NOP14: variants seen among roughly 807,000 people sequenced by gnomAD.
NOP14 encodes NOP14 nucleolar protein, also known as nucleolar protein 14.
A neutral mutation model predicts 101.6 loss-of-function variants in NOP14; 57 were observed. The ratio of observed to expected loss-of-function variants is 0.56; its 90% CI spans 0.45 to 0.70. The LOEUF (loss-of-function observed/expected upper bound fraction) is 0.70. Ranked by LOEUF, NOP14 falls within the 30% of genes least tolerant of loss-of-function variation. NOP14 has a pLI of 0.00. For missense variants in NOP14, 1,134 were observed against 1,075.5 expected (o/e 1.05, Z -0.76); for synonymous variants, 428 against 424.0 (o/e 1.01, Z -0.12).
chr4:2,948,374 C>T lies in NOP14; in HGVS notation c.1317G>A (p.Leu439=), dbSNP rs1227789819. 1 of 1,612,800 alleles carries T rather than the reference C, an allele frequency of 6.2e-7. No homozygotes were observed. The highest frequency in any genetic ancestry group is 1.3e-5 in the African/African-American group (1 of 74,830). The change falls in exon 9 of 18, where the codon TTG becomes TTA. Residue 439 remains leucine, a synonymous_variant. Transcript: ENST00000416614. ...PESYEELRSL[L]LGRSMEEQLL... is the part of the protein sequence containing the mutation. ...GCTGCTCTTCCATCGATCTTCCTAACAACAGAGATCTCAGTTCCTCATAGG... is the reference window on the plus strand; with the variant it reads ...GCTGCTCTTCCATCGATCTTCCTAATAACAGAGATCTCAGTTCCTCATAGG...
At chr4:2,954,690 T>C in intron 3 of NOP14, 127 bp from the exon 4 acceptor site, 1 of 1,168,646 alleles carries the variant, frequency 8.6e-7, no homozygotes, top group African/African-American at 1.5e-5. Context: ...AAAAAAATGC[T>C]CACACGCAAC....
chr4:2,948,149 C>T (rs1714782652), intron 9 of NOP14, 129 bp downstream of exon 9: 4 of 1,185,814 alleles, frequency 3.4e-6, no homozygotes, highest in Non-Finnish European at 4.6e-6. Context: ...TCATAGGTAA[C>T]CATGTGACGG....
chr4:2,948,506 G>A (rs1714811266), intron 8 of NOP14, 98 bp from the exon 9 acceptor site: 14 of 913,970 alleles, frequency 1.5e-5, no homozygotes, highest in Non-Finnish European at 2.1e-5. Context: ...CCAGGCTGGA[G>A]TGCAGTGGTG....
At position 2,960,073 on chromosome 4, in the gene NOP14, A is replaced by C. The variant is rs570157668; in HGVS notation, c.196-2333T>G. 4.4e-4 allele frequency among the ~76,000 whole-genome samples: 67 copies of C among 152,074 alleles called. 1 individual carries two copies. Among genetic ancestry groups the C allele is most frequent in the African/African-American group, 1.4e-3 (57 of 41,492 alleles). ...CAACCTCCACCTGCCGGGTTCAAGC[A>C]ATTCTCCTGCCTCAGCCTCCCCAGT... On this transcript the variant is annotated intron_variant, in intron 1 of 17. Coordinates refer to ENST00000416614, the MANE Select transcript of NOP14 (RefSeq NM_001291978.2).
intron 13 of NOP14, among the ~76,000 whole-genome samples, chr4:2,942,798 G>C (rs367681735): frequency 9.9e-5 from 15 of 152,196 alleles, no homozygotes; most frequent in South Asian, 8.3e-4. Context: ...TGACGGTGGA[G>C]GGCGGGAGAG....
Position 2,938,630 on chromosome 4 carries a change from C to T in NOP14, c.*201G>A, listed in dbSNP as rs898234196. Reference sequence around the variant, plus strand: ...AAGCAGTCCTCCTGCTTCAGCCTCCCGAGTAGTTGGGACTACAGGTGCGTG... The same window carrying T: ...AAGCAGTCCTCCTGCTTCAGCCTCCTGAGTAGTTGGGACTACAGGTGCGTG... On this transcript the variant is annotated 3_prime_UTR_variant, in exon 18 of 18. Coordinates refer to ENST00000416614, the MANE Select transcript of NOP14 (RefSeq NM_001291978.2). The T allele has an allele frequency of 2.8e-5, 16 of 570,018 alleles. No homozygotes were observed. The highest frequency in any genetic ancestry group is 6.3e-5 in the Admixed American group (2 of 31,920). The allele number at this position is 570,018 out of a possible 1,614,324, so 35.3% of individuals were successfully genotyped here.
At chr4:2,940,825 C>T (rs1307922643) in intron 15 of NOP14, 1 of 152,798 alleles carries the variant, frequency 6.5e-6, no homozygotes, top group Non-Finnish European at 1.5e-5. Context: ...GTGCAGAGAA[C>T]TACTCCAGAG....
intron 2 of NOP14, 37 bp from the exon 3 acceptor site, chr4:2,956,848 C>T (rs1337608458): frequency 6.5e-7 from 1 of 1,539,682 alleles, no homozygotes. Flanking sequence ...AAAATTACCA[C>T]TTCCATTTCA....
intron 4 of NOP14, 66 bp from the exon 5 acceptor site, chr4:2,953,711 T>G: frequency 6.3e-7 from 1 of 1,584,930 alleles, no homozygotes; most frequent in Non-Finnish European, 8.6e-7. Flanking sequence ...AGAGGCCCAA[T>G]GTCAGTGCCA....
chr4:2,957,836 G>A (rs1036870125), intron 1 of NOP14, 96 bp from the exon 2 acceptor site: 1 of 1,238,136 alleles, frequency 8.1e-7, no homozygotes, highest in Non-Finnish European at 1.1e-6. Context: ...TCAGGGCTAT[G>A]CACAGTGATG....
At chr4:2,958,453 G>A (rs1399680800) in intron 1 of NOP14, among the ~76,000 whole-genome samples, 1 of 152,140 alleles carries the variant, frequency 6.6e-6, no homozygotes, top group South Asian at 2.1e-4. Context: ...TTCTTGCTGC[G>A]GAACTTCTTC....
chr4:2,941,540 T>C (rs1235905267), intron 15 of NOP14, 42 bp downstream of exon 15: 8 of 1,597,804 alleles, frequency 5.0e-6, no homozygotes, highest in Non-Finnish European at 6.8e-6. Flanking sequence ...CAGGGACATG[T>C]CTGAGCCCAG....
chr4:2,963,027 TCAA>T (rs1716226243), intron 1 of NOP14, 95 bp downstream of exon 1: 1 of 1,267,912 alleles, frequency 7.9e-7, no homozygotes, highest in Non-Finnish European at 1.1e-6. Context: ...CCTGTGCCGC[TCAA>T]CGAGGAAACC....
At chr4:2,951,387 G>T in intron 6 of NOP14, 142 bp from the exon 7 acceptor site, 2 of 648,102 alleles carry the variant, frequency 3.1e-6, no homozygotes, top group Non-Finnish European at 5.3e-6. Flanking sequence ...CTTTCTGCCT[G>T]CAGTTTTCAA....
At chr4:2,944,653 C>T (rs1002100735) in intron 12 of NOP14, among the ~76,000 whole-genome samples, 2 of 152,256 alleles carry the variant, frequency 1.3e-5, no homozygotes, top group East Asian at 1.9e-4. Flanking sequence ...GTGATCCGCC[C>T]GCCTCAGCCT....
At chr4:2,942,410 C>T (rs1343741126) in intron 13 of NOP14, 59 bp from the exon 14 acceptor site, 3 of 1,539,538 alleles carry the variant, frequency 1.9e-6, no homozygotes, top group Non-Finnish European at 2.7e-6. Flanking sequence ...TCCCAGCAGG[C>T]TCTGCGGCAC....
Position 2,952,275 on chromosome 4 carries a change from C to G in NOP14, c.870G>C (p.Glu290Asp). 6.2e-7 allele frequency: 1 copy of G among 1,613,308 alleles called. No homozygotes were observed. The highest frequency in any genetic ancestry group is 8.5e-7 in the Non-Finnish European group (1 of 1,179,778). ...TGCTCCTGAGGTGCTGCCACCCTACCTCCAGCTTCCTGAGGTGCTCCTGCT... is the reference window on the plus strand; with the variant it reads ...TGCTCCTGAGGTGCTGCCACCCTACGTCCAGCTTCCTGAGGTGCTCCTGCT... The part of the protein sequence containing the change: ...KEEQEHLRKL[E>D]AERLRRMLGK... The change falls in exon 6 of 18, where the codon GAG becomes GAC. Residue 290 changes from glutamate (E) to aspartate (D), a missense_variant and splice_region_variant. Transcript: ENST00000416614.
rs948418843 is a variant in NOP14, at chr4:2,939,152, C to G, written c.2474+36G>C. On this transcript the variant is annotated intron_variant, in intron 17 of 17. Coordinates refer to ENST00000416614, the MANE Select transcript of NOP14 (RefSeq NM_001291978.2). Reference sequence around the variant, plus strand: ...GCCACACAGCACCAAAGCTGAGTGACACCACAATCGTGTCGCACACACACG... The same window carrying G: ...GCCACACAGCACCAAAGCTGAGTGAGACCACAATCGTGTCGCACACACACG... 15 of 1,611,902 alleles carry G rather than the reference C, an allele frequency of 9.3e-6. No individual in the cohort carries two copies. The South Asian group carries it at 1.7e-4, about 18-fold the overall frequency.
rs906734724 is a variant in NOP14 at position 2,942,125 on chromosome 4, G to C, written c.2051+67C>G. ...CTAAGAACAGCACATCAGAAAGCAC[G>C]AGTGGCTTCTCCTGCCTCTGGGGAC... On this transcript the variant is annotated intron_variant, in intron 14 of 17. Transcript: ENST00000416614. 5.3e-6 allele frequency: 8 copies of C among 1,503,198 alleles called. No homozygotes were observed. In the African/African-American group the frequency reaches 8.3e-5, roughly 16 times the overall value. The allele number at this position is 1,503,198 out of a possible 1,614,324, so 93.1% of individuals were successfully genotyped here.
Sources: allele counts gnomAD v4.1 joint callset (sites outside exome capture counted in the v4.1 genomes callset), GRCh38; gene constraint gnomAD v4.1.1; transcripts MANE v1.5; gene names NCBI Gene and HGNC (gene_info 2026-07-23, HGNC 2026-07-21).